The following BLNK variants were observed in gnomAD, a reference collection of about 807,000 sequenced individuals.
BLNK encodes B-cell linker protein.
BLNK carries 29 observed loss-of-function variants against 73.5 expected under a neutral mutation model. The observed-to-expected ratio is 0.39, with a 90% CI of 0.29 to 0.54. BLNK has a LOEUF of 0.54. BLNK is among the 20% of genes least tolerant of loss of function. The pLI is 0.61. For synonymous variants in BLNK, 176 were observed against 200.8 expected (o/e 0.88, Z 1.04); for missense variants, 460 against 562.8 (o/e 0.82, Z 1.85).
chr10:96,196,813 A>G, intron 16 of BLNK, 95 bp downstream of exon 16: 1 of 1,252,856 alleles, frequency 8.0e-7, no homozygotes, highest in Non-Finnish European at 1.2e-6. Flanking sequence ...GTACTTTTGT[A>G]TCCTTTCTCC....
chr10:96,232,742 A>G (rs1554904284), intron 3 of BLNK, among the ~76,000 whole-genome samples: 2 of 152,030 alleles, frequency 1.3e-5, no homozygotes, highest in Middle Eastern at 3.2e-3. Context: ...ACTCTAGAAG[A>G]TTGGGTGAAT....
chr10:96,242,703 G>A, intron 3 of BLNK, 32 bp downstream of exon 3: 1 of 1,589,178 alleles, frequency 6.3e-7, no homozygotes, highest in Non-Finnish European at 8.6e-7. Context: ...AATTAGTCAA[G>A]AGTCAGTTAA....
chr10:96,248,380 T>C (rs1843136818), intron 1 of BLNK, among the ~76,000 whole-genome samples: 1 of 152,168 alleles, frequency 6.6e-6, no homozygotes, highest in Admixed American at 6.5e-5. Context: ...AAGTGGTCAA[T>C]AGACCAATGA....
chr10:96,208,003 A>T (rs1554897860), intron 9 of BLNK, 104 bp from the exon 10 acceptor site: 2 of 1,245,868 alleles, frequency 1.6e-6, no homozygotes, highest in East Asian at 4.7e-5. Flanking sequence ...TATGAAAGCG[A>T]TACAAGTGTG....
intron 16 of BLNK, among the ~76,000 whole-genome samples, chr10:96,193,058 G>A (rs2083368589): frequency 6.6e-6 from 1 of 152,062 alleles, no homozygotes; most frequent in Admixed American, 6.6e-5. Flanking sequence ...TCAGAATATT[G>A]GCCAACATTT....
At chr10:96,204,726 G>A (rs782767948) in intron 11 of BLNK, 110 bp from the exon 12 acceptor site, 12 of 945,846 alleles carry the variant, frequency 1.3e-5, no homozygotes, top group Non-Finnish European at 1.8e-5. Context: ...GTCTTCCCGG[G>A]AACATGTCTT....
rs587769607 is a variant in BLNK at position 96,231,783 on chromosome 10, A to G, written c.164-949T>C. Among the ~76,000 whole-genome samples, 14 of 151,792 alleles carry G rather than the reference A, an allele frequency of 9.2e-5. No homozygotes were observed. The South Asian group carries it at 2.9e-3, about 32-fold the overall frequency. On this transcript the variant is annotated intron_variant, in intron 3 of 16. Coordinates refer to ENST00000224337, the MANE Select transcript of BLNK (RefSeq NM_013314.4). ...ACCTTGTGAGGAAACTGAGGCCTAG[A>G]GCAGATAAGTCACATGCCCAAGGTC...
chr10:96,215,104 T>C (rs750041435), intron 8 of BLNK, among the ~76,000 whole-genome samples: 2 of 151,706 alleles, frequency 1.3e-5, no homozygotes, highest in Non-Finnish European at 2.9e-5. Context: ...CCCAGGAAGG[T>C]AGGGTGAAAA....
intron 3 of BLNK, among the ~76,000 whole-genome samples, chr10:96,238,657 G>A (rs1591344150): frequency 1.3e-5 from 2 of 152,178 alleles, no homozygotes; most frequent in East Asian, 3.9e-4. Context: ...AACTGGGGTG[G>A]GGGAGAGAAC....
intron 5 of BLNK, among the ~76,000 whole-genome samples, chr10:96,226,610 G>A (rs1842271784): frequency 6.6e-6 from 1 of 152,166 alleles, no homozygotes; most frequent in African/African-American, 2.4e-5. Flanking sequence ...GGAGGCCGAG[G>A]CGGTTGTATC....
chr10:96,242,757 A>G lies in BLNK; in HGVS notation c.141T>C (p.Val47=). The G allele has an allele frequency of 6.2e-7, 1 of 1,614,152 alleles. No individual in the cohort carries two copies. Among genetic ancestry groups the G allele is most frequent in the Non-Finnish European group, 8.5e-7 (1 of 1,179,954 alleles). The change falls in exon 3 of 17, where the codon GTT becomes GTC. Residue 47 remains valine, a synonymous_variant. Transcript: ENST00000224337. ...TACCTGAAGCGTAGTCCCTTCGAGG[A>G]ACACTTGGAGGTGCTTTGACTTTTA... The part of the protein sequence containing the change: ...KKLKVKAPPS[V]PRRDYASESP...
At chr10:96,208,292 C>T (rs1473703190) in intron 9 of BLNK, among the ~76,000 whole-genome samples, 3 of 152,162 alleles carry the variant, frequency 2.0e-5, no homozygotes, top group East Asian at 3.9e-4. Flanking sequence ...TCTTCCCCAA[C>T]AGCTCCCTGT....
At chr10:96,252,497 AC>A (rs1249941155) in intron 1 of BLNK, among the ~76,000 whole-genome samples, 2 of 152,176 alleles carry the variant, frequency 1.3e-5, no homozygotes, top group Admixed American at 1.3e-4. Context: ...TGGGGGAAAA[AC>A]TAAGTTCTCA....
chr10:96,270,115 G>A (rs555724164), intron 1 of BLNK, among the ~76,000 whole-genome samples: 48 of 152,232 alleles, frequency 3.2e-4, no homozygotes, highest in African/African-American at 7.7e-4. Context: ...TTCTTGTCCC[G>A]TCAGTGCTGA....
intron 1 of BLNK, among the ~76,000 whole-genome samples, chr10:96,264,386 A>G (rs1843895269): frequency 1.3e-5 from 2 of 152,306 alleles, no homozygotes; most frequent in Admixed American, 1.3e-4. Flanking sequence ...ACAGTGGGCA[A>G]GAGCACCACA....
At chr10:96,224,291 G>A (rs587656162) in intron 5 of BLNK, among the ~76,000 whole-genome samples, 1 of 152,352 alleles carries the variant, frequency 6.6e-6, no homozygotes, top group Admixed American at 6.5e-5. Flanking sequence ...GGGGATGGAA[G>A]CAGCACTGGA....
chr10:96,254,997 T>G (rs1383108132), intron 1 of BLNK, among the ~76,000 whole-genome samples: 1 of 152,122 alleles, frequency 6.6e-6, no homozygotes, highest in Non-Finnish European at 1.5e-5. Context: ...TAAACCAGAG[T>G]CATTGACTCT....
chr10:96,232,028 A>G (rs1842518282), intron 3 of BLNK, among the ~76,000 whole-genome samples: 1 of 152,254 alleles, frequency 6.6e-6, no homozygotes, highest in African/African-American at 2.4e-5. Context: ...GCCCAGGCGA[A>G]TATTTGACCC....
In BLNK at chr10:96,190,040, C is replaced by T; in HGVS notation, c.*1933G>A. 1.2e-6 allele frequency: 1 copy of T among 809,918 alleles called. No individual in the cohort carries two copies. Among genetic ancestry groups the T allele is most frequent in the Admixed American group, 1.7e-5 (1 of 58,798 alleles). The allele number at this position is 809,918 out of a possible 1,614,324, so 50.2% of individuals were successfully genotyped here. A position where few individuals can be genotyped will look rare whatever the true frequency, so the allele number is the denominator to read the frequency against. On this transcript the variant is annotated 3_prime_UTR_variant, in exon 17 of 17. Transcript: ENST00000224337. ...CCTTCATAATTCATTGCCTCTGCTT[C>T]AACAATGTGCAGTTCATCCTTTGCA...
Sources: gnomAD v4.1 joint callset for allele counts (sites outside exome capture counted in the v4.1 genomes callset) on GRCh38, gnomAD v4.1.1 for gene constraint, MANE v1.5 for transcripts, NCBI Gene and HGNC (gene_info 2026-07-23, HGNC 2026-07-21) for gene names.